ZNF154: variants seen among roughly 807,000 people sequenced by gnomAD.
ZNF154 encodes the protein zinc finger protein 154 (pHZ-92).
A neutral mutation model predicts 7.5 loss-of-function variants in ZNF154; 6 were observed. The ratio of observed to expected loss-of-function variants is 0.80; its 90% CI spans 0.44 to 1.57. The LOEUF (loss-of-function observed/expected upper bound fraction) is 1.57, where lower values mean the gene tolerates loss of function less well. Among genes scored for constraint, ZNF154 ranks in the 40% most tolerant of loss-of-function variants. The pLI is 0.01. For synonymous variants in ZNF154, 187 were observed against 185.9 expected, an observed-to-expected ratio of 1.01 and a Z score of -0.05; for missense variants, 485 against 531.4, an observed-to-expected ratio of 0.91 and a Z score of 0.86.
chr19:57,705,776 T>C (rs1310313143), intron 1 of ZNF154, among the ~76,000 whole-genome samples: 2 of 143,784 alleles, frequency 1.4e-5, no homozygotes, highest in Admixed American at 1.4e-4. Context: ...AAAAGAAAGA[T>C]GATATAGCAG....
chr19:57,708,868 G>A, intron 1 of ZNF154, 71 bp downstream of exon 1: 1 of 1,533,002 alleles, frequency 6.5e-7, no homozygotes, highest in Middle Eastern at 1.7e-4. Context: ...ACTCGAGCAG[G>A]CGCCCCTCAC....
At chr19:57,703,452 T>C (rs1321873955) in intron 2 of ZNF154, among the ~76,000 whole-genome samples, 1 of 121,934 alleles carries the variant, frequency 8.2e-6, no homozygotes, top group African/African-American at 3.3e-5. Context: ...ACCACTGTAC[T>C]CCAGCCTGGG....
chr19:57,708,922 G>T lies in ZNF154; in HGVS notation c.33+17C>A. The T allele has an allele frequency of 6.4e-7, 1 of 1,559,116 alleles. No individual in the cohort carries two copies. Among genetic ancestry groups the T allele is most frequent in the Non-Finnish European group, 8.7e-7 (1 of 1,151,802 alleles). ...GGTGGGGGAAGGTGTGTGAGGACGG[G>T]AAGACGCCGCACTCACCTGAGTTGG... On this transcript the variant is annotated intron_variant, in intron 1 of 2. Coordinates refer to ENST00000684351, the MANE Select transcript of ZNF154 (RefSeq NM_001085384.3).
chr19:57,697,750 G>A lies in ZNF154; in HGVS notation c.*3885C>T, dbSNP rs984777964. 1 of 151,832 alleles carries A rather than the reference G, an allele frequency of 6.6e-6. No homozygotes were observed. The highest frequency in any genetic ancestry group is 1.5e-5 in the Non-Finnish European group (1 of 67,974). 9.4% of individuals were successfully genotyped at this position (151,832 alleles called of 1,614,324 possible). A position where few individuals can be genotyped will look rare whatever the true frequency, so the allele number is the denominator to read the frequency against. On this transcript the variant is annotated 3_prime_UTR_variant, in exon 3 of 3. Coordinates refer to ENST00000684351, the MANE Select transcript of ZNF154 (RefSeq NM_001085384.3). ...ATAAATGACTATGAAATGATAAATG[G>A]TGAAGGAAAAAAAAATAGTGAAGGA... is the stretch of plus-strand genomic sequence containing the variant.
At position 57,708,976 on chromosome 19, in the gene ZNF154, C is replaced by T; in HGVS notation, c.-5G>A. On this transcript the variant is annotated 5_prime_UTR_variant, in exon 1 of 3. Transcript: ENST00000684351. ...CCTCAGAGTGGCCGCTGCCATCAGA[C>T]TCTGCGGGTAGAGCTGGGCCGGGAG... is the stretch of plus-strand genomic sequence containing the variant. The T allele has an allele frequency of 6.4e-7, 1 of 1,558,454 alleles. No homozygotes were observed. The highest frequency in any genetic ancestry group is 8.7e-7 in the Non-Finnish European group (1 of 1,151,904).
At position 57,697,361 on chromosome 19, in the gene ZNF154, A is replaced by G. The variant is rs1984939319; in HGVS notation, c.*4274T>C. 6.6e-6 allele frequency: 1 copy of G among 152,252 alleles called. No homozygotes were observed. The highest frequency in any genetic ancestry group is 6.5e-5 in the Admixed American group (1 of 15,274). The allele number at this position is 152,252 out of a possible 1,614,324, so 9.4% of individuals were successfully genotyped here. ...AACAATGTTAGAGATTCAATAAGCC[A>G]CATCTAGAATACAGCAAATTCTAAT... On this transcript the variant is annotated 3_prime_UTR_variant, in exon 3 of 3. Coordinates refer to ENST00000684351, the MANE Select transcript of ZNF154 (RefSeq NM_001085384.3).
At chr19:57,707,471 A>G (rs1985439458) in intron 1 of ZNF154, among the ~76,000 whole-genome samples, 1 of 152,146 alleles carries the variant, frequency 6.6e-6, no homozygotes, top group African/African-American at 2.4e-5. Flanking sequence ...AATGCAACAC[A>G]TCTCCTAATC....
Position 57,701,307 on chromosome 19 carries a change from T to C in ZNF154, c.*328A>G, listed in dbSNP as rs575722016. 8.7e-5 allele frequency: 25 copies of C among 287,798 alleles called. No individual in the cohort carries two copies. In the South Asian group the frequency reaches 1.4e-3, roughly 17 times the overall value. The allele number at this position is 287,798 out of a possible 1,614,324, so 17.8% of individuals were successfully genotyped here. On this transcript the variant is annotated 3_prime_UTR_variant, in exon 3 of 3. Coordinates refer to ENST00000684351, the MANE Select transcript of ZNF154 (RefSeq NM_001085384.3). Reference sequence around the variant, plus strand: ...TGCCAGGCAGTAGAGGTAAAATGGCTTCCACTATAGTATCAGCAGAGACAT... The same window carrying C: ...TGCCAGGCAGTAGAGGTAAAATGGCCTCCACTATAGTATCAGCAGAGACAT...
rs1179667824 is a variant in ZNF154 at position 57,702,921 on chromosome 19, T to C, written c.161-133A>G. 4.8e-6 allele frequency: 4 copies of C among 838,028 alleles called. No homozygotes were observed. The East Asian group carries it at 8.0e-5, about 17-fold the overall frequency. The allele number at this position is 838,028 out of a possible 1,614,324, so 51.9% of individuals were successfully genotyped here. On this transcript the variant is annotated intron_variant, in intron 2 of 2. Transcript: ENST00000684351. The stretch of plus-strand genomic sequence containing the variant: ...CTACACGTCTCACAGTGGTGGGCCT[T>C]CTAGGGAGAAAGATCTGCCTTAGAA...
chr19:57,707,013 T>A (rs1264000281), intron 1 of ZNF154, among the ~76,000 whole-genome samples: 2 of 150,056 alleles, frequency 1.3e-5, no homozygotes, highest in Non-Finnish European at 2.9e-5. Context: ...CTCGGGAGGC[T>A]GAGGCAGGAG....
At chr19:57,704,132 C>T (rs962515538) in intron 2 of ZNF154, among the ~76,000 whole-genome samples, 1 of 152,070 alleles carries the variant, frequency 6.6e-6, no homozygotes, top group Admixed American at 6.5e-5. Context: ...AGGATTAGCC[C>T]CAGGCTGGAT....
In ZNF154 at chr19:57,697,167, T is replaced by TCA. The variant is rs1449965350; in HGVS notation, c.*4466_*4467dup. 6.6e-6 allele frequency among the ~76,000 whole-genome samples: 1 copy of TCA among 152,216 alleles called. No individual in the cohort carries two copies. Among genetic ancestry groups the TCA allele is most frequent in the Non-Finnish European group, 1.5e-5 (1 of 68,040 alleles). ...CTTAGTGGATTGTCTGTGATGTGCA[T>TCA]CACATTCTGGTTTAATGCTTAATAA... On this transcript the variant is annotated 3_prime_UTR_variant, in exon 3 of 3. Coordinates refer to ENST00000684351, the MANE Select transcript of ZNF154 (RefSeq NM_001085384.3).
intron 1 of ZNF154, among the ~76,000 whole-genome samples, chr19:57,708,133 G>A (rs1163249759): frequency 6.6e-6 from 1 of 152,116 alleles, no homozygotes. Context: ...ACTCAGGCTG[G>A]CTGTTTTACT....
chr19:57,702,639 A>ATCCCAACTTGGCCAGGAAGTCCT lies in ZNF154; in HGVS notation c.287_309dup (p.Phe104ArgfsTer194). Reference sequence around the variant, plus strand: ...GTGTGAGCAGCCTGTTGATGGAGAAATCCCAACTTGGCCAGGAAGTCCTTC... The same window carrying ATCCCAACTTGGCCAGGAAGTCCT: ...GTGTGAGCAGCCTGTTGATGGAGAAATCCCAACTTGGCCAGGAAGTCCTTCCCAACTTGGCCAGGAAGTCCTTC... On this transcript the variant is annotated frameshift_variant, in exon 3 of 3. Coordinates refer to ENST00000684351, the MANE Select transcript of ZNF154 (RefSeq NM_001085384.3). LOFTEE classifies it low-confidence loss of function (END_TRUNC). The ATCCCAACTTGGCCAGGAAGTCCT allele has an allele frequency of 6.2e-7, 1 of 1,614,128 alleles. No homozygotes were observed. Among genetic ancestry groups the ATCCCAACTTGGCCAGGAAGTCCT allele is most frequent in the Non-Finnish European group, 8.5e-7 (1 of 1,180,032 alleles).
In ZNF154 at chr19:57,709,172, A is replaced by G; in HGVS notation, c.-201T>C. On this transcript the variant is annotated 5_prime_UTR_variant, in exon 1 of 3. Coordinates refer to ENST00000684351, the MANE Select transcript of ZNF154 (RefSeq NM_001085384.3). ...GCGCTCTGCTATCTCTGATCCGGTG[A>G]ACACACCTCAGAGAAGCTAAAATGG... The G allele has an allele frequency of 3.0e-6, 2 of 656,958 alleles. No individual in the cohort carries two copies. The highest frequency in any genetic ancestry group is 1.9e-5 in the South Asian group (1 of 52,014). The allele number at this position is 656,958 out of a possible 1,614,324, so 40.7% of individuals were successfully genotyped here. A position where few individuals can be genotyped will look rare whatever the true frequency, so the allele number is the denominator to read the frequency against.
Position 57,697,246 on chromosome 19 carries a change from T to G in ZNF154, c.*4389A>C, listed in dbSNP as rs1050697439. On this transcript the variant is annotated 3_prime_UTR_variant, in exon 3 of 3. Transcript: ENST00000684351. ...GAGGATTTCTGGGTTGGGAGAAGGT[T>G]TTGTATTTATTTCACTGTTGCCATC... 4 of 152,168 alleles carry G rather than the reference T, an allele frequency of 2.6e-5. No homozygotes were observed. Among genetic ancestry groups the G allele is most frequent in the African/African-American group, 9.7e-5 (4 of 41,436 alleles). 9.4% of individuals were successfully genotyped at this position (152,168 alleles called of 1,614,324 possible). A position where few individuals can be genotyped will look rare whatever the true frequency, so the allele number is the denominator to read the frequency against.
rs1014007161 is a variant in ZNF154, at chr19:57,701,540, T to C, written c.*95A>G. The C allele has an allele frequency of 3.4e-5, 45 of 1,332,728 alleles. No individual in the cohort carries two copies. The highest frequency in any genetic ancestry group is 4.5e-5 in the Admixed American group (2 of 44,206). 82.6% of individuals were successfully genotyped at this position (1,332,728 alleles called of 1,614,324 possible). ...GAACTGTGTGGCACTCAATGAGATATGGCCTTCAGCTGAAGCTTTCTGACA... is the reference window on the plus strand; with the variant it reads ...GAACTGTGTGGCACTCAATGAGATACGGCCTTCAGCTGAAGCTTTCTGACA... On this transcript the variant is annotated 3_prime_UTR_variant, in exon 3 of 3. Transcript: ENST00000684351.
rs1031677655 is a variant in ZNF154 at position 57,697,605 on chromosome 19, G to T, written c.*4030C>A. ...AAATATATTTGTGTGATTTTTTGGGGGGTTATAAAAGAGCCTTTACATTTT... is the reference window on the plus strand; with the variant it reads ...AAATATATTTGTGTGATTTTTTGGGTGGTTATAAAAGAGCCTTTACATTTT... On this transcript the variant is annotated 3_prime_UTR_variant, in exon 3 of 3. Transcript: ENST00000684351. 1 of 152,010 alleles carries T rather than the reference G, an allele frequency of 6.6e-6. No individual in the cohort carries two copies. Among genetic ancestry groups the T allele is most frequent in the Non-Finnish European group, 1.5e-5 (1 of 67,992 alleles). The allele number at this position is 152,010 out of a possible 1,614,324, so 9.4% of individuals were successfully genotyped here.
chr19:57,706,041 TTGTC>T (rs2122410314), intron 1 of ZNF154, among the ~76,000 whole-genome samples: 1 of 152,120 alleles, frequency 6.6e-6, no homozygotes, highest in South Asian at 2.1e-4. Context: ...ATTAAAAGGG[TTGTC>T]TGTTTGGGAG....
Sources: allele counts gnomAD v4.1 joint callset (sites outside exome capture counted in the v4.1 genomes callset), GRCh38; gene constraint gnomAD v4.1.1; transcripts MANE v1.5; gene names NCBI Gene and HGNC (gene_info 2026-07-23, HGNC 2026-07-21).